TENM2: variants seen among roughly 807,000 people sequenced by gnomAD.
The protein encoded by TENM2 is teneurin-2.
TENM2 carries 52 observed loss-of-function variants against 245.2 expected under a neutral mutation model. That is an observed-to-expected ratio of 0.21 (90% CI 0.17 to 0.27). The LOEUF (loss-of-function observed/expected upper bound fraction) is 0.27, where lower values mean the gene tolerates loss of function less well. Among genes scored for constraint, TENM2 ranks in the 10% least tolerant of loss-of-function variants. The pLI, the probability that TENM2 is intolerant of heterozygous loss-of-function variation, is 1.00. For synonymous variants in TENM2, 1,363 were observed against 1,438.9 expected, an observed-to-expected ratio of 0.95 and a Z score of 1.19; for missense variants, 3,046 against 3,666.8, an observed-to-expected ratio of 0.83 and a Z score of 4.37.
At chr5:167,448,588 T>C (rs748197795) in intron 2 of TENM2, among the ~76,000 whole-genome samples, 1 of 150,598 alleles carries the variant, frequency 6.6e-6, no homozygotes, top group African/African-American at 2.5e-5. Context: ...TTTTGTTAGA[T>C]AAAATTTGAT....
At chr5:168,050,061 C>A (rs113237596) in intron 6 of TENM2, among the ~76,000 whole-genome samples, 1 of 152,142 alleles carries the variant, frequency 6.6e-6, no homozygotes, top group Non-Finnish European at 1.5e-5. Flanking sequence ...TCTCGGCCCC[C>A]CAAAGTGCTG....
intron 2 of TENM2, among the ~76,000 whole-genome samples, chr5:167,576,155 A>G (rs918326400): frequency 6.6e-6 from 1 of 152,200 alleles, no homozygotes; most frequent in Non-Finnish European, 1.5e-5. Flanking sequence ...TTTCTTAGAG[A>G]ACAAAATAGA....
intron 13 of TENM2, among the ~76,000 whole-genome samples, chr5:168,183,489 C>T (rs1315872905): frequency 6.6e-6 from 1 of 152,130 alleles, no homozygotes; most frequent in Non-Finnish European, 1.5e-5. Context: ...TCCTATGGTT[C>T]CCCCTTTTTA....
intron 2 of TENM2, among the ~76,000 whole-genome samples, chr5:167,492,027 A>G (rs538081948): frequency 3.3e-5 from 5 of 152,316 alleles, no homozygotes; most frequent in African/African-American, 9.6e-5. Context: ...CTATTGCATT[A>G]TTAGTATTTT....
the TENM2 span, among the ~76,000 whole-genome samples, chr5:167,160,397 C>A: frequency 1.3e-5 from 2 of 152,226 alleles, no homozygotes; most frequent in Non-Finnish European, 2.9e-5. Context: ...CCTCACTGGC[C>A]TTTTTGCTGC....
At chr5:167,261,140 T>C in the TENM2 span, among the ~76,000 whole-genome samples, 1 of 152,112 alleles carries the variant, frequency 6.6e-6, no homozygotes, top group Non-Finnish European at 1.5e-5. Context: ...GCTAAGAAGC[T>C]CTGGGAGTGG....
At chr5:167,054,400 T>C in the TENM2 span, among the ~76,000 whole-genome samples, 5 of 152,158 alleles carry the variant, frequency 3.3e-5, no homozygotes, top group African/African-American at 1.2e-4. Flanking sequence ...AATATTCCAT[T>C]GTCTGGATAT....
intron 4 of TENM2, among the ~76,000 whole-genome samples, chr5:167,962,133 C>A (rs1208219749): frequency 1.3e-5 from 2 of 152,152 alleles, no homozygotes; most frequent in Non-Finnish European, 2.9e-5. Flanking sequence ...GTAAGCTCTT[C>A]CAGAATTTAC....
At chr5:167,595,369 G>A (rs1776135200) in intron 2 of TENM2, among the ~76,000 whole-genome samples, 1 of 152,244 alleles carries the variant, frequency 6.6e-6, no homozygotes, top group African/African-American at 2.4e-5. Flanking sequence ...GGAAACCGAG[G>A]CCCAGAGAAA....
intron 3 of TENM2, among the ~76,000 whole-genome samples, chr5:167,901,204 C>T (rs1423411887): frequency 6.6e-6 from 1 of 152,112 alleles, no homozygotes; most frequent in Non-Finnish European, 1.5e-5. Context: ...CTCTTTCTCA[C>T]ACGCTTTTTC....
intron 6 of TENM2, 148 bp from the exon 9 acceptor site, chr5:168,061,912 A>C: frequency 1.4e-6 from 1 of 713,182 alleles, no homozygotes; most frequent in Non-Finnish European, 2.3e-6. Context: ...TAAATGTTTT[A>C]GCTGTAACTT....
chr5:167,807,784 A>T (rs1250375297), intron 2 of TENM2, among the ~76,000 whole-genome samples: 1 of 152,054 alleles, frequency 6.6e-6, no homozygotes, highest in Non-Finnish European at 1.5e-5. Flanking sequence ...GCAACATGAA[A>T]ACTCCCTAGA....
At chr5:168,217,460 A>C (rs1004016059) in intron 22 of TENM2, among the ~76,000 whole-genome samples, 3 of 152,228 alleles carry the variant, frequency 2.0e-5, no homozygotes, top group African/African-American at 7.2e-5. Context: ...ACAGCCTGGA[A>C]TATACGTTCA....
intron 2 of TENM2, among the ~76,000 whole-genome samples, chr5:167,696,876 C>T (rs975848518): frequency 6.6e-6 from 1 of 152,150 alleles, no homozygotes; most frequent in Non-Finnish European, 1.5e-5. Flanking sequence ...CCAGTAAGAC[C>T]TTAAAAAGTG....
chr5:167,156,331 T>C, the TENM2 span, among the ~76,000 whole-genome samples: 1 of 152,216 alleles, frequency 6.6e-6, no homozygotes, highest in Non-Finnish European at 1.5e-5. Flanking sequence ...TTTGCTCATC[T>C]CCTCTTTCGC....
Position 167,579,517 on chromosome 5 carries a change from A to G in TENM2, c.502+204044A>G, listed in dbSNP as rs530669411. Among the ~76,000 whole-genome samples, 3 of 152,274 alleles carry G rather than the reference A, an allele frequency of 2.0e-5. No homozygotes were observed. The Middle Eastern group carries it at 0.01, about 518-fold the overall frequency. On this transcript the variant is annotated intron_variant, in intron 2 of 28. Transcript: ENST00000518659. ...CAGCTTGCACCAGAGCTACCTTCTC[A>G]TCATTGACTTCAGTTCTTCTGACGG... is the stretch of plus-strand genomic sequence containing the variant.
chr5:167,182,997 AT>A, the TENM2 span, among the ~76,000 whole-genome samples: 1 of 152,124 alleles, frequency 6.6e-6, no homozygotes, highest in South Asian at 2.1e-4. Flanking sequence ...AAAAAAGATT[AT>A]TTTCCTTAGG....
intron 7 of TENM2, among the ~76,000 whole-genome samples, chr5:168,076,762 A>G (rs1330496141): frequency 1.3e-5 from 2 of 152,172 alleles, no homozygotes; most frequent in South Asian, 2.1e-4. Context: ...AGATTTTTCT[A>G]TGAACTCCAA....
At chr5:167,303,779 T>G (rs1755501123) in intron 1 of TENM2, among the ~76,000 whole-genome samples, 1 of 152,066 alleles carries the variant, frequency 6.6e-6, no homozygotes, top group South Asian at 2.1e-4. Flanking sequence ...GCAGGTAAGA[T>G]AAACGGGGGA....
Sources: gnomAD v4.1 joint callset for allele counts (sites outside exome capture counted in the v4.1 genomes callset) on GRCh38, gnomAD v4.1.1 for gene constraint, MANE v1.5 for transcripts, NCBI Gene and HGNC (gene_info 2026-07-23, HGNC 2026-07-21) for gene names.